The following TRHDE variants were observed in gnomAD, a reference collection of about 807,000 sequenced individuals.
The protein encoded by TRHDE is thyrotropin releasing hormone degrading enzyme, also known as thyrotropin-releasing hormone-degrading ectoenzyme.
TRHDE carries 72 observed loss-of-function variants against 125.7 expected under a neutral mutation model. The observed-to-expected ratio is 0.57, with a 90% CI of 0.47 to 0.70. The LOEUF (loss-of-function observed/expected upper bound fraction) is 0.70, where lower values mean the gene tolerates loss of function less well. TRHDE is among the 30% of genes least tolerant of loss of function. The pLI, the probability that TRHDE is intolerant of heterozygous loss-of-function variation, is 0.00. For missense variants in TRHDE, 1,110 were observed against 1,327.1 expected, an observed-to-expected ratio of 0.84 and a Z score of 2.54; for synonymous variants, 509 against 509.1, an observed-to-expected ratio of 1.00 and a Z score of 0.00.
In TRHDE at chr12:72,462,793, T is replaced by C. The variant is rs147689838; in HGVS notation, c.1316-6965T>C. Among the ~76,000 whole-genome samples, 7 of 152,262 alleles carry C rather than the reference T, an allele frequency of 4.6e-5. No homozygotes were observed. In the East Asian group the frequency reaches 1.4e-3, roughly 29 times the overall value. On this transcript the variant is annotated intron_variant, in intron 3 of 18. Coordinates refer to ENST00000261180, the MANE Select transcript of TRHDE (RefSeq NM_013381.3). ...CATGATAGCCCCAATTGCAGTCTCA[T>C]ATTATCTATTTGTCTATTTGTGTAT...
At chr12:72,319,717 C>T (rs796707157) in intron 2 of TRHDE, among the ~76,000 whole-genome samples, 2 of 152,272 alleles carry the variant, frequency 1.3e-5, no homozygotes, top group African/African-American at 2.4e-5. Flanking sequence ...TGGCAGCTTG[C>T]ACTGAGAGAT....
intron 5 of TRHDE, among the ~76,000 whole-genome samples, chr12:72,498,836 A>G (rs1878024302): frequency 1.3e-5 from 2 of 152,290 alleles, no homozygotes; most frequent in East Asian, 3.9e-4. Context: ...GATTATTAAT[A>G]CCTATTGATC....
intron 2 of TRHDE, among the ~76,000 whole-genome samples, chr12:72,295,735 C>T (rs907049666): frequency 2.0e-5 from 3 of 152,098 alleles, no homozygotes; most frequent in Admixed American, 6.5e-5. Flanking sequence ...AATTAAGTCT[C>T]ATTTTAATGA....
upstream of TRHDE, chr12:72,271,792 G>A (rs2139402985): frequency 2.5e-6 from 1 of 406,386 alleles, no homozygotes; most frequent in Admixed American, 2.6e-5. Context: ...CTCCCCCTTG[G>A]GATATGGAGC....
intron 2 of TRHDE, among the ~76,000 whole-genome samples, chr12:72,111,809 T>G (rs964642873): frequency 1.3e-5 from 2 of 152,278 alleles, no homozygotes; most frequent in African/African-American, 4.8e-5. Context: ...GCCGGCATCT[T>G]TCATTCAGAT....
At chr12:72,135,777 C>T (rs1227694767) in intron 2 of TRHDE, among the ~76,000 whole-genome samples, 3 of 152,120 alleles carry the variant, frequency 2.0e-5, no homozygotes, top group Non-Finnish European at 4.4e-5. Flanking sequence ...CCTTTAGAAG[C>T]AAGCTGTTGT....
At position 72,137,105 on chromosome 12, in the gene TRHDE, G is replaced by A. The variant is rs564880366; in HGVS notation, n.279+31353G>A. Among the ~76,000 whole-genome samples, 5 of 152,298 alleles carry A rather than the reference G, an allele frequency of 3.3e-5. No homozygotes were observed. In the East Asian group the frequency reaches 9.7e-4, roughly 29 times the overall value. ...AGAATAGGAAGACATTCTCAAGGTA[G>A]CAAGTAGAGGACTCAGAGTCATTTT... On this transcript the variant is annotated intron_variant and non_coding_transcript_variant, in intron 2 of 4. Transcript: ENST00000548156.
At chr12:72,561,169 C>T (rs911058345) in intron 7 of TRHDE, among the ~76,000 whole-genome samples, 3 of 152,166 alleles carry the variant, frequency 2.0e-5, no homozygotes, top group Non-Finnish European at 4.4e-5. Context: ...GAGTTGCCAA[C>T]AAAAGCTGAA....
At chr12:72,382,086 C>T (rs1443936945) in intron 3 of TRHDE, among the ~76,000 whole-genome samples, 3 of 152,090 alleles carry the variant, frequency 2.0e-5, no homozygotes, top group African/African-American at 7.2e-5. Context: ...TCCTAGGAGT[C>T]AGAAACGACT....
At chr12:72,330,342 A>C (rs113963577) in intron 2 of TRHDE, among the ~76,000 whole-genome samples, 3 of 152,072 alleles carry the variant, frequency 2.0e-5, no homozygotes, top group Admixed American at 6.5e-5. Context: ...AAAAAAAAAA[A>C]ACCAAAACCA....
chr12:72,499,561 T>A lies in TRHDE; in HGVS notation c.1648T>A (p.Ser550Thr). ...GATGCTGCTGGACGGTTTGGCCAGT[T>A]CCCATCCAGTATCACAGGAAGTGCT... ...EVMLLDGLASSHPVSQEVLQA... is the reference protein window; with the variant it reads ...EVMLLDGLASTHPVSQEVLQA... Residue 550 changes from serine to threonine, a missense_variant, in exon 6 of 19, where the codon TCC becomes ACC. Ser to Thr is a moderately conservative substitution (Grantham distance 58). Around this residue, in one of 5 missense-constraint regions of TRHDE, gnomAD observed 527 missense variants for 651.8 expected, o/e 0.81. Coordinates refer to ENST00000261180, the MANE Select transcript of TRHDE (RefSeq NM_013381.3). The A allele has an allele frequency of 6.2e-7, 1 of 1,613,932 alleles. No individual in the cohort carries two copies. The highest frequency in any genetic ancestry group is 8.5e-7 in the Non-Finnish European group (1 of 1,179,886).
At chr12:72,628,619 A>C (rs1304119176) in intron 15 of TRHDE, among the ~76,000 whole-genome samples, 1 of 151,926 alleles carries the variant, frequency 6.6e-6, no homozygotes, top group Non-Finnish European at 1.5e-5. Context: ...GAGGATCTCT[A>C]TTCTAACATC....
intron 3 of TRHDE, among the ~76,000 whole-genome samples, chr12:72,454,186 G>T (rs1474894528): frequency 1.3e-5 from 2 of 150,344 alleles, no homozygotes; most frequent in African/African-American, 4.9e-5. Flanking sequence ...TGATAAATTT[G>T]TTTTTTTTTA....
At chr12:72,346,566 GT>G (rs1870338193) in intron 2 of TRHDE, among the ~76,000 whole-genome samples, 1 of 151,990 alleles carries the variant, frequency 6.6e-6, no homozygotes, top group South Asian at 2.1e-4. Context: ...GAATGGCTCT[GT>G]TTTCTCAAGC....
At chr12:72,099,566 A>G (rs1177547791) in intron 1 of TRHDE, among the ~76,000 whole-genome samples, 1 of 152,188 alleles carries the variant, frequency 6.6e-6, no homozygotes, top group Non-Finnish European at 1.5e-5. Flanking sequence ...TCAGCTATAT[A>G]TCAAGAAAAT....
At chr12:72,567,480 C>T (rs978638734) in intron 9 of TRHDE, among the ~76,000 whole-genome samples, 1 of 151,836 alleles carries the variant, frequency 6.6e-6, no homozygotes, top group Non-Finnish European at 1.5e-5. Flanking sequence ...GAATGCAAAA[C>T]ATGGAATAAT....
At chr12:72,277,562 A>G (rs1159042707) in intron 1 of TRHDE, among the ~76,000 whole-genome samples, 1 of 152,076 alleles carries the variant, frequency 6.6e-6, no homozygotes, top group African/African-American at 2.4e-5. Context: ...TGATTCCTTA[A>G]TGGACTTAGC....
intron 3 of TRHDE, among the ~76,000 whole-genome samples, chr12:72,437,067 A>G (rs549030588): frequency 6.6e-6 from 1 of 152,030 alleles, no homozygotes; most frequent in South Asian, 2.1e-4. Context: ...CAGACTGAGC[A>G]CAATTTTTGC....
chr12:72,595,005 T>C (rs1340969615), intron 12 of TRHDE, among the ~76,000 whole-genome samples: 2 of 150,318 alleles, frequency 1.3e-5, no homozygotes, highest in Admixed American at 6.7e-5. Flanking sequence ...CAGTAAACTA[T>C]TGCAAGGACA....
Sources: allele counts gnomAD v4.1 joint callset (sites outside exome capture counted in the v4.1 genomes callset), GRCh38; gene constraint gnomAD v4.1.1; regional missense constraint gnomAD v4.1.1; transcripts MANE v1.5; gene names NCBI Gene and HGNC (gene_info 2026-07-23, HGNC 2026-07-21).